HNF1A: variants seen among roughly 807,000 people sequenced by gnomAD.
HNF1A encodes the protein HNF1 homeobox A.
In HNF1A, 21 loss-of-function variants were observed where a neutral mutation model predicts 62.2. That is an observed-to-expected ratio of 0.34 (90% CI 0.24 to 0.49). The LOEUF (loss-of-function observed/expected upper bound fraction) is 0.49. Among genes scored for constraint, HNF1A ranks in the 20% least tolerant of loss-of-function variants. The pLI, the probability that HNF1A is intolerant of heterozygous loss-of-function variation, is 0.99. For synonymous variants in HNF1A, 374 were observed against 366.8 expected (o/e 1.02, Z -0.22); for missense variants, 687 against 832.3 (o/e 0.83, Z 2.15).
chr12:120,997,044 T>C (rs1877146635), intron 6 of HNF1A: 1 of 1,440,520 alleles, frequency 6.9e-7, no homozygotes, highest in Non-Finnish European at 9.2e-7. Context: ...TGATGTTTTC[T>C]AAGTTTTTGT....
chr12:120,990,707 A>G (rs1876794401), intron 2 of HNF1A, among the ~76,000 whole-genome samples: 1 of 150,498 alleles, frequency 6.6e-6, no homozygotes, highest in Admixed American at 6.7e-5. Context: ...AGGAAAAGAA[A>G]AGAAAGAAAA....
chr12:120,981,157 G>A (rs1238804941), intron 1 of HNF1A, among the ~76,000 whole-genome samples: 1 of 151,964 alleles, frequency 6.6e-6, no homozygotes, highest in Non-Finnish European at 1.5e-5. Context: ...AGGAGCCAGG[G>A]AGAGAGGGGC....
Position 120,994,234 on chromosome 12 carries a change from G to A in HNF1A, c.784G>A (p.Val262Met), listed in dbSNP as rs1876970532. 1.2e-6 allele frequency: 2 copies of A among 1,613,520 alleles called. No individual in the cohort carries two copies. Among genetic ancestry groups the A allele is most frequent in the East Asian group, 2.2e-5 (1 of 44,884 alleles). Residue 262 changes from valine (V) to methionine (M), a missense_variant, in exon 4 of 10, where the codon GTG becomes ATG. Around this residue, in one of 5 missense-constraint regions of HNF1A, gnomAD observed 47 missense variants for 109.4 expected, o/e 0.43. Transcript: ENST00000257555. Reference protein sequence around the residue: ...QGLGSNLVTEVRVYNWFANRR... With the variant: ...QGLGSNLVTEMRVYNWFANRR... Reference sequence around the variant, plus strand: ...GCTGGGCTCCAACCTCGTCACGGAGGTGCGTGTCTACAACTGGTTTGCCAA... The same window carrying A: ...GCTGGGCTCCAACCTCGTCACGGAGATGCGTGTCTACAACTGGTTTGCCAA...
intron 2 of HNF1A, among the ~76,000 whole-genome samples, chr12:120,990,408 C>T (rs528756530): frequency 2.0e-5 from 3 of 152,120 alleles, no homozygotes; most frequent in African/African-American, 4.8e-5. Flanking sequence ...GGATTATAGG[C>T]GTGAGCCACC....
rs1592902356 is a variant in HNF1A at position 121,002,328 on chromosome 12, A to G, written c.*1136A>G. The G allele has an allele frequency of 2.4e-5, 11 of 454,128 alleles. No homozygotes were observed. The East Asian group carries it at 4.4e-4, about 18-fold the overall frequency. The allele number at this position is 454,128 out of a possible 1,614,324, so 28.1% of individuals were successfully genotyped here. A position where few individuals can be genotyped will look rare whatever the true frequency, so the allele number is the denominator to read the frequency against. ...GAGGGACAAAGGAGCCTGTGAACCCAGGACAAGCATGGTCCCACATCCCTG... is the reference window on the plus strand; with the variant it reads ...GAGGGACAAAGGAGCCTGTGAACCCGGGACAAGCATGGTCCCACATCCCTG... On this transcript the variant is annotated 3_prime_UTR_variant, in exon 10 of 10. Transcript: ENST00000257555.
Position 120,981,534 on chromosome 12 carries a change from C to T in HNF1A, c.326+2440C>T, listed in dbSNP as rs1015830972. 3.9e-5 allele frequency among the ~76,000 whole-genome samples: 6 copies of T among 152,224 alleles called. 1 individual carries two copies. The highest frequency in any genetic ancestry group is 7.2e-5 in the African/African-American group (3 of 41,458). On this transcript the variant is annotated intron_variant, in intron 1 of 9. Coordinates refer to ENST00000257555, the MANE Select transcript of HNF1A (RefSeq NM_000545.8). ...TCTTCCCAGGTCTTTCTCTTCCTCT[C>T]GGCCTTTGCTGCAGTCATTTTGGCT...
Position 120,978,932 on chromosome 12 carries a change from G to C in HNF1A, c.164G>C (p.Gly55Ala). 6.2e-7 allele frequency: 1 copy of C among 1,610,510 alleles called. No individual in the cohort carries two copies. The highest frequency in any genetic ancestry group is 8.5e-7 in the Non-Finnish European group (1 of 1,178,472). ...GGGGAGTCCTGCGGCGGCGGTCGAG[G>C]GGAGCTGGCTGAGCTGCCCAATGGG... ...DKGESCGGGRGELAELPNGLG... is the reference protein window; with the variant it reads ...DKGESCGGGRAELAELPNGLG... The change falls in exon 1 of 10, where the codon GGG becomes GCG. Residue 55 changes from glycine (G) to alanine (A), a missense_variant. Physicochemically the swap from Gly to Ala is moderately conservative, Grantham distance 60. Transcript: ENST00000257555.
intron 6 of HNF1A, 119 bp from the exon 7 acceptor site, chr12:120,997,346 TCCTGACCAC>T (rs1261777713): frequency 7.5e-7 from 1 of 1,335,706 alleles, no homozygotes; most frequent in African/African-American, 1.5e-5. Flanking sequence ...GAGGGCTGTT[TCCTGACCAC>T]CCTGCCCCCT....
intron 3 of HNF1A, 22 bp from the exon 4 acceptor site, chr12:120,994,142 T>TC: frequency 6.2e-7 from 1 of 1,610,472 alleles, no homozygotes; most frequent in East Asian, 2.2e-5. Context: ...GCCTGGAGGC[T>TC]CATGGGTGGC....
rs1348670383 is a variant in HNF1A at position 120,994,339 on chromosome 12, C to A, written c.889C>A (p.Pro297Thr). The stretch of plus-strand genomic sequence containing the variant: ...GCCCCCCCCAGGGCCAGGCCCGGGA[C>A]CTGCGCTGCCCGCTCACAGCTCCCC... ...SGPPPGPGPGPALPAHSSPGL... is the reference protein window; with the variant it reads ...SGPPPGPGPGTALPAHSSPGL... Residue 297 changes from proline to threonine, a missense_variant, in exon 4 of 10, where the codon CCT becomes ACT. Physicochemically the swap from Pro to Thr is conservative, Grantham distance 38 (BLOSUM62 -1). Transcript: ENST00000257555. 13 of 1,603,938 alleles carry A rather than the reference C, an allele frequency of 8.1e-6. No individual in the cohort carries two copies. The highest frequency in any genetic ancestry group is 1.1e-5 in the Non-Finnish European group (13 of 1,175,682).
At chr12:120,983,775 A>T (rs1282369483) in intron 1 of HNF1A, among the ~76,000 whole-genome samples, 1 of 151,842 alleles carries the variant, frequency 6.6e-6, no homozygotes, top group Non-Finnish European at 1.5e-5. Context: ...CTAACTCCTG[A>T]CCTCATGTGA....
intron 1 of HNF1A, among the ~76,000 whole-genome samples, chr12:120,987,264 G>A (rs1041148737): frequency 6.6e-6 from 1 of 152,002 alleles, no homozygotes; most frequent in Non-Finnish European, 1.5e-5. Context: ...CACAAGATCA[G>A]GAGATCGAGA....
At chr12:120,980,104 T>C (rs1876176135) in intron 1 of HNF1A, among the ~76,000 whole-genome samples, 1 of 152,176 alleles carries the variant, frequency 6.6e-6, no homozygotes, top group African/African-American at 2.4e-5. Flanking sequence ...ACAGGAATAA[T>C]TTCCCTTCAT....
rs779008957 is a variant in HNF1A at position 120,994,320 on chromosome 12, C to A, written c.870C>A (p.Pro290=). 8.1e-6 allele frequency: 13 copies of A among 1,610,344 alleles called. No individual in the cohort carries two copies. Among genetic ancestry groups the A allele is most frequent in the Admixed American group, 3.4e-5 (2 of 59,242 alleles). ...KLAMDTYSGP[P]PGPGPGPALP... ...CCATGGACACGTACAGCGGGCCCCC[C>A]CCAGGGCCAGGCCCGGGACCTGCGC... The change falls in exon 4 of 10, where the codon CCC becomes CCA. Residue 290 remains proline (P), a synonymous_variant. Transcript: ENST00000257555.
chr12:120,999,119 C>A, intron 7 of HNF1A, 149 bp from the exon 8 acceptor site: 3 of 922,118 alleles, frequency 3.3e-6, no homozygotes, highest in South Asian at 2.7e-5. Context: ...TCTGGAGCCT[C>A]CAGTTTTGAA....
chr12:120,997,836 G>GT, intron 7 of HNF1A, 171 bp downstream of exon 7: 4 of 759,308 alleles, frequency 5.3e-6, no homozygotes, highest in Admixed American at 4.0e-5. Flanking sequence ...GTGAATGCAC[G>GT]TATCTGTGTG....
intron 1 of HNF1A, among the ~76,000 whole-genome samples, chr12:120,982,918 C>T (rs74903018): frequency 7.2e-5 from 11 of 152,170 alleles, no homozygotes; most frequent in East Asian, 1.9e-4. Flanking sequence ...TTACAAAATG[C>T]GCTAAGCTCA....
chr12:120,999,385 A>C lies in HNF1A; in HGVS notation c.1619A>C (p.Lys540Thr). 6.2e-7 allele frequency: 1 copy of C among 1,613,776 alleles called. No individual in the cohort carries two copies. The highest frequency in any genetic ancestry group is 1.1e-5 in the South Asian group (1 of 91,054). ...GCCCTGGCCAGCCTCACGCCCACCA[A>C]GCAGGTAAGGTCCAGGCCTGCTGGC... ...LSALASLTPTKQVFTSDTEAS... is the reference protein window; with the variant it reads ...LSALASLTPTTQVFTSDTEAS... The change falls in exon 8 of 10, where the codon AAG (lysine) becomes ACG (threonine). Residue 540 changes from lysine to threonine, a missense_variant. Coordinates refer to ENST00000257555, the MANE Select transcript of HNF1A (RefSeq NM_000545.8).
rs572834073 is a variant in HNF1A at position 120,980,077 on chromosome 12, C to T, written c.326+983C>T. On this transcript the variant is annotated intron_variant, in intron 1 of 9. Transcript: ENST00000257555. ...TTGAGGAGGTTCACTACTTCCTGGG[C>T]GCTGTGCTGAGGTTTCACAGGAATA... is the stretch of plus-strand genomic sequence containing the variant. Among the ~76,000 whole-genome samples, 15 of 152,234 alleles carry T rather than the reference C, an allele frequency of 9.9e-5. 1 individual carries two copies. The highest frequency in any genetic ancestry group is 4.1e-4 in the South Asian group (2 of 4,822).
Sources: gnomAD v4.1 joint callset for allele counts (sites outside exome capture counted in the v4.1 genomes callset) on GRCh38, gnomAD v4.1.1 for gene constraint, gnomAD v4.1.1 regional missense constraint, MANE v1.5 for transcripts, NCBI Gene and HGNC (gene_info 2026-07-23, HGNC 2026-07-21) for gene names.